The following C12orf54 variants were observed in gnomAD, a reference collection of about 807,000 sequenced individuals.
C12orf54 encodes uncharacterized protein C12orf54.
Under a neutral mutation model 26.4 loss-of-function variants are expected in C12orf54, and 24 were observed. The observed-to-expected ratio is 0.91, with a 90% CI of 0.66 to 1.28. C12orf54 has a LOEUF of 1.28. Among genes scored for constraint, C12orf54 ranks in the 50% most tolerant of loss-of-function variants. The pLI is 0.00. For missense variants in C12orf54, 154 were observed against 150.9 expected, an observed-to-expected ratio of 1.02 and a Z score of -0.11; for synonymous variants, 54 against 47.0, an observed-to-expected ratio of 1.15 and a Z score of -0.61.
At chr12:48,444,906 C>T in the C12orf54 span, among the ~76,000 whole-genome samples, 2 of 152,216 alleles carry the variant, frequency 1.3e-5, no homozygotes, top group African/African-American at 4.8e-5. Flanking sequence ...GGCGCAGTGG[C>T]TCACGCCTGT....
chr12:48,470,035 T>C, the C12orf54 span, among the ~76,000 whole-genome samples: 20 of 152,264 alleles, frequency 1.3e-4, no homozygotes, highest in Admixed American at 3.3e-4. Context: ...TATTCATTTT[T>C]ATGGCTACAT....
At chr12:48,418,507 T>G in the C12orf54 span, among the ~76,000 whole-genome samples, 1 of 152,242 alleles carries the variant, frequency 6.6e-6, no homozygotes, top group African/African-American at 2.4e-5. Context: ...ACTTAACAAG[T>G]GAATTTAGTC....
chr12:48,478,807 C>T (rs4453276), upstream of C12orf54, among the ~76,000 whole-genome samples: 22,464 of 152,110 alleles, frequency 0.15, 2,887 homozygotes, highest in East Asian at 0.66. Flanking sequence ...AAATCAAAAC[C>T]ACAATGAGAT....
chr12:48,449,816 T>C, the C12orf54 span, among the ~76,000 whole-genome samples: 1 of 151,386 alleles, frequency 6.6e-6, no homozygotes, highest in East Asian at 1.9e-4. Flanking sequence ...CACCCAAATC[T>C]CAACTATGTC....
At chr12:48,453,288 G>T in the C12orf54 span, among the ~76,000 whole-genome samples, 1 of 151,904 alleles carries the variant, frequency 6.6e-6, no homozygotes, top group African/African-American at 2.4e-5. Context: ...GCTGAATGAT[G>T]AGAACACGTG....
intron 7 of C12orf54, among the ~76,000 whole-genome samples, chr12:48,493,947 G>T (rs562134466): frequency 3.3e-5 from 5 of 151,558 alleles, no homozygotes; most frequent in Admixed American, 2.0e-4. Context: ...GGCCAGGTGC[G>T]GTGGCTCATG....
chr12:48,426,310 C>T, the C12orf54 span, among the ~76,000 whole-genome samples: 3 of 152,052 alleles, frequency 2.0e-5, no homozygotes, highest in Non-Finnish European at 4.4e-5. Flanking sequence ...TATAGCTAGC[C>T]AATTACCCCA....
chr12:48,486,320 G>GCACCCTGTCCCTTGTC, intron 3 of C12orf54, 112 bp downstream of exon 3: 1 of 1,140,572 alleles, frequency 8.8e-7, no homozygotes, highest in Non-Finnish European at 1.3e-6. Context: ...CCTGACAAGG[G>GCACCCTGTCCCTTGTC]ACAGGGTGCC....
At chr12:48,481,932 A>G (rs576381737), upstream of C12orf54, among the ~76,000 whole-genome samples, 1 of 152,284 alleles carries the variant, frequency 6.6e-6, no homozygotes, top group South Asian at 2.1e-4. Flanking sequence ...ACATATTGGG[A>G]TATTTTATAT....
chr12:48,471,780 G>A, the C12orf54 span, among the ~76,000 whole-genome samples: 1 of 152,124 alleles, frequency 6.6e-6, no homozygotes, highest in African/African-American at 2.4e-5. Context: ...GTAGTGTGAT[G>A]TCTCTGGCTT....
chr12:48,472,573 G>A, the C12orf54 span: 50 of 1,480,686 alleles, frequency 3.4e-5, no homozygotes, highest in Middle Eastern at 3.6e-4. Flanking sequence ...ACCCAGCAGA[G>A]CTGGTTGAGC....
chr12:48,468,921 A>G, the C12orf54 span, among the ~76,000 whole-genome samples: 17 of 152,210 alleles, frequency 1.1e-4, no homozygotes, highest in Non-Finnish European at 2.1e-4. Context: ...GGCAGGTTCC[A>G]TGATGCCTGA....
the C12orf54 span, among the ~76,000 whole-genome samples, chr12:48,439,767 G>A: frequency 6.6e-6 from 1 of 152,206 alleles, no homozygotes; most frequent in African/African-American, 2.4e-5. Context: ...GGAGTGGGGA[G>A]GGATAGCATT....
rs1238335789 is a variant in C12orf54 at position 48,492,980 on chromosome 12, CA to C, written c.228del (p.Ala77HisfsTer7). Reference protein sequence around the residue: ...MSNCSMTPMTSAPRTGSIRPP... With the variant: ...MSNCSMTPMTXAPRTGSIRPP... ...AACTGCTCCATGACACCCATGACAT[CA>C]GCACCCAGGACTGGGTAAGTGTCCC... On this transcript the variant is annotated frameshift_variant, in exon 7 of 9. Coordinates refer to ENST00000548364, the MANE Select transcript of C12orf54 (RefSeq NM_152319.4). LOFTEE classifies it high-confidence loss of function. 1 of 1,614,026 alleles carries C rather than the reference CA, an allele frequency of 6.2e-7. No individual in the cohort carries two copies. The highest frequency in any genetic ancestry group is 8.5e-7 in the Non-Finnish European group (1 of 1,179,886).
the C12orf54 span, among the ~76,000 whole-genome samples, chr12:48,439,664 G>A: frequency 2.4e-4 from 36 of 152,068 alleles, no homozygotes; most frequent in South Asian, 2.7e-3. Flanking sequence ...ACCAAACACC[G>A]CATGTTCTCA....
At chr12:48,489,259 A>C in intron 5 of C12orf54, 1 of 556,320 alleles carries the variant, frequency 1.8e-6, no homozygotes, top group Middle Eastern at 2.7e-4. Flanking sequence ...TAAGCTGGGG[A>C]GAATCCCCTA....
At chr12:48,447,778 C>T in the C12orf54 span, among the ~76,000 whole-genome samples, 1 of 152,046 alleles carries the variant, frequency 6.6e-6, no homozygotes, top group Non-Finnish European at 1.5e-5. Context: ...AAGTTATAGA[C>T]CTTAAAATAG....
intron 2 of C12orf54, among the ~76,000 whole-genome samples, chr12:48,484,424 T>C (rs1954234806): frequency 6.6e-6 from 1 of 152,220 alleles, no homozygotes; most frequent in Non-Finnish European, 1.5e-5. Context: ...TCTCCTAGAC[T>C]TCTATATGAG....
At chr12:48,458,647 ATAT>A in the C12orf54 span, among the ~76,000 whole-genome samples, 1 of 152,040 alleles carries the variant, frequency 6.6e-6, no homozygotes, top group African/African-American at 2.4e-5. Flanking sequence ...TGTTTACAAA[ATAT>A]TAGTGTTACC....
Sources: gnomAD v4.1 joint callset for allele counts (sites outside exome capture counted in the v4.1 genomes callset) on GRCh38, gnomAD v4.1.1 for gene constraint, MANE v1.5 for transcripts, NCBI Gene and HGNC (gene_info 2026-07-23, HGNC 2026-07-21) for gene names.